The following TMC1 variants were observed in gnomAD, a reference collection of about 807,000 sequenced individuals.
The protein encoded by TMC1 is transmembrane channel like 1.
A neutral mutation model predicts 105.8 loss-of-function variants in TMC1; 84 were observed. That is an observed-to-expected ratio of 0.79 (90% CI 0.67 to 0.95). The LOEUF is 0.95. TMC1 is among the 40% of genes least tolerant of loss of function. TMC1 has a pLI of 0.00. For missense variants in TMC1, 817 were observed against 914.1 expected (o/e 0.89, Z 1.37); for synonymous variants, 315 against 311.5 (o/e 1.01, Z -0.12).
chr9:72,696,118 C>T (rs2044322), intron 7 of TMC1, among the ~76,000 whole-genome samples: 3,772 of 152,040 alleles, frequency 0.025, 79 homozygotes, highest in Middle Eastern at 0.044. Context: ...CTATTTATGC[C>T]GCAAAAAAAT....
At chr9:72,585,385 C>T (rs956792334) in intron 2 of TMC1, among the ~76,000 whole-genome samples, 5 of 149,242 alleles carry the variant, frequency 3.4e-5, no homozygotes, top group East Asian at 2.1e-4. Flanking sequence ...CTCCTGACCT[C>T]GTGATCTGCC....
chr9:72,650,971 A>G (rs1247175380), intron 5 of TMC1, among the ~76,000 whole-genome samples: 2 of 144,260 alleles, frequency 1.4e-5, no homozygotes, highest in Admixed American at 7.0e-5. Context: ...CACATATACA[A>G]GGATATGTCC....
At chr9:72,695,429 C>T (rs1270589518) in intron 7 of TMC1, among the ~76,000 whole-genome samples, 1 of 152,086 alleles carries the variant, frequency 6.6e-6, no homozygotes, top group Admixed American at 6.5e-5. Flanking sequence ...AGATAGCAGG[C>T]AGGTAGGAAA....
intron 1 of TMC1, among the ~76,000 whole-genome samples, chr9:72,565,957 T>A (rs1009121208): frequency 1.3e-5 from 2 of 152,196 alleles, no homozygotes; most frequent in Non-Finnish European, 2.9e-5. Context: ...ACAGCCAAAC[T>A]GTATCAGTAT....
chr9:72,721,233 C>T (rs1827019038), intron 8 of TMC1, among the ~76,000 whole-genome samples: 1 of 152,134 alleles, frequency 6.6e-6, no homozygotes. Flanking sequence ...TTATGTTCCT[C>T]CTCCCCTTTC....
At chr9:72,814,638 T>G (rs1213077763) in intron 18 of TMC1, among the ~76,000 whole-genome samples, 1 of 152,194 alleles carries the variant, frequency 6.6e-6, no homozygotes, top group East Asian at 1.9e-4. Flanking sequence ...CCATTCCTGT[T>G]ATGCCATACT....
At chr9:72,672,453 A>T (rs1217403904) in intron 5 of TMC1, among the ~76,000 whole-genome samples, 2 of 152,256 alleles carry the variant, frequency 1.3e-5, no homozygotes, top group East Asian at 3.9e-4. Context: ...AATGGCCTAA[A>T]TACCCCAATT....
At chr9:72,807,965 C>T (rs1366545958) in intron 18 of TMC1, among the ~76,000 whole-genome samples, 1 of 152,228 alleles carries the variant, frequency 6.6e-6, no homozygotes, top group Non-Finnish European at 1.5e-5. Flanking sequence ...CTGAGGGCAA[C>T]AGCACACTCA....
intron 3 of TMC1, among the ~76,000 whole-genome samples, chr9:72,623,162 C>CTTTTTTTTTTTTTTTTTTT (rs57488888): frequency 2.1e-5 from 2 of 97,138 alleles, no homozygotes; most frequent in African/African-American, 4.0e-5. Flanking sequence ...TTTTTTTTTT[C>CTTTTTTTTTTTTTTTTTTT]TTTTTTTTTT....
chr9:72,698,707 G>A lies in TMC1; in HGVS notation c.237-1811G>A, dbSNP rs1212624104. 2.6e-5 allele frequency among the ~76,000 whole-genome samples: 4 copies of A among 152,268 alleles called. No homozygotes were observed. The Middle Eastern group carries it at 0.01, about 388-fold the overall frequency. On this transcript the variant is annotated intron_variant, in intron 7 of 23. Coordinates refer to ENST00000297784, the MANE Select transcript of TMC1 (RefSeq NM_138691.3). ...CAAGGGCTGGAGGAACAATGGAAAG[G>A]GTTGAAACGAAAACACTGTAGCGTA...
intron 8 of TMC1, among the ~76,000 whole-genome samples, chr9:72,719,637 A>G (rs2117941342): frequency 1.3e-5 from 2 of 152,282 alleles, no homozygotes; most frequent in East Asian, 3.9e-4. Flanking sequence ...AGTTCTTGGA[A>G]CAAAAGTTCA....
At chr9:72,801,473 CAG>C (rs1828471122) in intron 17 of TMC1, among the ~76,000 whole-genome samples, 1 of 152,214 alleles carries the variant, frequency 6.6e-6, no homozygotes. Context: ...AGTCTGCTTA[CAG>C]AGTTTGTGTC....
intron 5 of TMC1, among the ~76,000 whole-genome samples, chr9:72,661,376 T>C (rs988053077): frequency 5.3e-5 from 8 of 152,236 alleles, no homozygotes; most frequent in African/African-American, 1.9e-4. Context: ...TTAGTTTTAC[T>C]TTAAGTCCAC....
intron 1 of TMC1, among the ~76,000 whole-genome samples, chr9:72,527,806 C>T (rs1198117973): frequency 6.6e-6 from 1 of 152,204 alleles, no homozygotes; most frequent in Non-Finnish European, 1.5e-5. Context: ...GGTGTTCTGC[C>T]TCTATCGCCT....
intron 8 of TMC1, among the ~76,000 whole-genome samples, chr9:72,725,959 G>T (rs1326994023): frequency 2.0e-5 from 3 of 152,122 alleles, no homozygotes; most frequent in Non-Finnish European, 4.4e-5. Flanking sequence ...CAAAGTGCTG[G>T]GATTACAGGC....
chr9:72,655,441 A>G (rs1170501278), intron 5 of TMC1, among the ~76,000 whole-genome samples: 7 of 151,958 alleles, frequency 4.6e-5, no homozygotes, highest in Non-Finnish European at 8.8e-5. Context: ...ACCATTCCTA[A>G]CTTTGTGCCA....
At chr9:72,562,071 A>G (rs1251425510) in intron 1 of TMC1, among the ~76,000 whole-genome samples, 1 of 152,158 alleles carries the variant, frequency 6.6e-6, no homozygotes, top group African/African-American at 2.4e-5. Context: ...TAATTACAAC[A>G]TGATCTTTAC....
intron 5 of TMC1, among the ~76,000 whole-genome samples, chr9:72,675,441 T>C (rs1826187542): frequency 6.6e-6 from 1 of 152,104 alleles, no homozygotes; most frequent in Non-Finnish European, 1.5e-5. Flanking sequence ...TTCCATCCCA[T>C]GTGAGGGAAA....
rs1265954165 is a variant in TMC1 at position 72,816,307 on chromosome 9, C to T, written c.1763+97C>T. The T allele has an allele frequency of 1.3e-5, 15 of 1,181,300 alleles. No homozygotes were observed. The South Asian group carries it at 1.5e-4, about 12-fold the overall frequency. The allele number at this position is 1,181,300 out of a possible 1,614,324, so 73.2% of individuals were successfully genotyped here. On this transcript the variant is annotated intron_variant, in intron 19 of 23. Transcript: ENST00000297784. The stretch of plus-strand genomic sequence containing the variant: ...TCCTGGTGTTAGAGGAGAATACAAT[C>T]GGTGTCTAACTCCATATTTACTTTT...
Sources: allele counts gnomAD v4.1 joint callset (sites outside exome capture counted in the v4.1 genomes callset), GRCh38; gene constraint gnomAD v4.1.1; transcripts MANE v1.5; gene names NCBI Gene and HGNC (gene_info 2026-07-23, HGNC 2026-07-21).